The following HMBOX1 variants were observed in gnomAD, a reference collection of about 807,000 sequenced individuals.
HMBOX1 encodes the protein homeobox-containing protein 1.
Under a neutral mutation model 54.5 loss-of-function variants are expected in HMBOX1, and 14 were observed. The observed-to-expected ratio is 0.26, with a 90% confidence interval of 0.17 to 0.40. HMBOX1 has a LOEUF of 0.40. Among genes scored for constraint, HMBOX1 ranks in the 10% least tolerant of loss-of-function variants. The pLI is 1.00. For missense variants in HMBOX1, 332 were observed against 514.4 expected (o/e 0.65, Z 3.43); for synonymous variants, 160 against 181.0 (o/e 0.88, Z 0.93).
chr8:28,990,583 T>A (rs993456753), intron 4 of HMBOX1, among the ~76,000 whole-genome samples: 4 of 152,200 alleles, frequency 2.6e-5, no homozygotes, highest in Non-Finnish European at 4.4e-5. Flanking sequence ...TCTGTGTTCA[T>A]GAGGGACATT....
chr8:28,956,470 C>T (rs1375571142), intron 1 of HMBOX1, among the ~76,000 whole-genome samples: 1 of 151,852 alleles, frequency 6.6e-6, no homozygotes, highest in Non-Finnish European at 1.5e-5. Flanking sequence ...TGTCTTTATT[C>T]TGCCTGATAC....
intron 1 of HMBOX1, among the ~76,000 whole-genome samples, chr8:28,901,978 G>A (rs752783660): frequency 3.3e-5 from 5 of 152,046 alleles, no homozygotes; most frequent in Admixed American, 1.3e-4. Flanking sequence ...AGTGAACCTC[G>A]ACACACTTAG....
At chr8:28,917,351 G>T (rs1016162615) in intron 1 of HMBOX1, among the ~76,000 whole-genome samples, 1 of 152,010 alleles carries the variant, frequency 6.6e-6, no homozygotes, top group African/African-American at 2.4e-5. Flanking sequence ...TTATTGGATT[G>T]TTAGTTCATT....
At chr8:29,028,763 T>G (rs1802459004) in intron 6 of HMBOX1, among the ~76,000 whole-genome samples, 1 of 152,214 alleles carries the variant, frequency 6.6e-6, no homozygotes, top group Non-Finnish European at 1.5e-5. Context: ...TACTTTCATA[T>G]GTGTAAATAA....
At chr8:28,993,121 T>C (rs994658266) in intron 4 of HMBOX1, among the ~76,000 whole-genome samples, 8 of 151,964 alleles carry the variant, frequency 5.3e-5, no homozygotes, top group African/African-American at 1.4e-4. Context: ...AGAAAGAACA[T>C]AGTATACCAT....
chr8:29,002,688 C>G (rs1832830718), intron 4 of HMBOX1, among the ~76,000 whole-genome samples: 6 of 152,098 alleles, frequency 3.9e-5, no homozygotes, highest in Non-Finnish European at 7.4e-5. Context: ...TACAAAACTT[C>G]AGATATTTTG....
At chr8:29,032,532 A>G (rs1474064580) in intron 6 of HMBOX1, among the ~76,000 whole-genome samples, 1 of 152,132 alleles carries the variant, frequency 6.6e-6, no homozygotes, top group Admixed American at 6.5e-5. Context: ...TATAAAATTC[A>G]GTTTTTCTTT....
chr8:28,906,901 A>G (rs1039310598), intron 1 of HMBOX1, among the ~76,000 whole-genome samples: 1 of 152,188 alleles, frequency 6.6e-6, no homozygotes, highest in Non-Finnish European at 1.5e-5. Context: ...CTTGAAAAAA[A>G]TGGTTTTTAA....
intron 2 of HMBOX1, among the ~76,000 whole-genome samples, chr8:28,964,985 T>C (rs572115590): frequency 8.5e-5 from 13 of 152,384 alleles, no homozygotes; most frequent in African/African-American, 2.4e-4. Context: ...ATAAAATTAC[T>C]TATTATTTTT....
chr8:28,993,325 A>T (rs1791536625), intron 4 of HMBOX1, among the ~76,000 whole-genome samples: 1 of 152,146 alleles, frequency 6.6e-6, no homozygotes. Flanking sequence ...TATGAGTAGG[A>T]TTTTTTAAAG....
intron 1 of HMBOX1, among the ~76,000 whole-genome samples, chr8:28,932,342 A>T (rs549164472): frequency 6.6e-6 from 1 of 152,342 alleles, no homozygotes; most frequent in African/African-American, 2.4e-5. Context: ...GTATGACATT[A>T]TTTGAGTTAT....
Position 28,970,529 on chromosome 8 carries a change from T to G in HMBOX1, c.500+10T>G. On this transcript the variant is annotated intron_variant, in intron 3 of 9. Coordinates refer to ENST00000287701, the MANE Select transcript of HMBOX1 (RefSeq NM_001135726.3). This position sits in a 1 kb window ranked among gnomAD's most constrained non-coding sequence, Gnocchi z 4.3. ...TGGAAGAATTAATGAGGTTAGTGAC[T>G]TTGCTTATTCAGAGTCCCTAAAAAT... The G allele has an allele frequency of 6.5e-7, 1 of 1,535,096 alleles. No individual in the cohort carries two copies. Among genetic ancestry groups the G allele is most frequent in the Non-Finnish European group, 8.8e-7 (1 of 1,131,858 alleles).
intron 6 of HMBOX1, chr8:29,042,621 T>C (rs769667679): frequency 1.3e-5 from 6 of 455,734 alleles, no homozygotes; most frequent in South Asian, 6.2e-5. Flanking sequence ...ATTGGCCCTA[T>C]TTTATGACTT....
At chr8:28,951,646 A>G (rs1434238477) in intron 1 of HMBOX1, among the ~76,000 whole-genome samples, 1 of 152,244 alleles carries the variant, frequency 6.6e-6, no homozygotes, top group Non-Finnish European at 1.5e-5. Flanking sequence ...TGCTTCTTGA[A>G]TGAATGTGCA....
chr8:28,971,224 C>A (rs1327041601), intron 3 of HMBOX1, among the ~76,000 whole-genome samples: 2 of 151,390 alleles, frequency 1.3e-5, no homozygotes, highest in Non-Finnish European at 2.9e-5. Flanking sequence ...TCCCGAGTAG[C>A]TGGGGTTACA....
At chr8:28,983,460 C>G (rs1264343938) in intron 4 of HMBOX1, among the ~76,000 whole-genome samples, 2 of 152,182 alleles carry the variant, frequency 1.3e-5, no homozygotes, top group African/African-American at 4.8e-5. Flanking sequence ...TCTGTTGTTA[C>G]CCTCATTTTA....
At chr8:28,962,680 T>A (rs1373637995) in intron 1 of HMBOX1, among the ~76,000 whole-genome samples, 3 of 152,210 alleles carry the variant, frequency 2.0e-5, no homozygotes, top group South Asian at 4.1e-4. Context: ...TACACCTTGA[T>A]GTTGTGGAAG....
intron 3 of HMBOX1, 61 bp from the exon 4 acceptor site, chr8:28,980,010 G>T: frequency 7.9e-7 from 1 of 1,258,240 alleles, no homozygotes; most frequent in Non-Finnish European, 1.2e-6. Flanking sequence ...CTTTCTTTTA[G>T]CAAAGATGAG....
At chr8:29,041,076 A>C (rs1804737035) in intron 6 of HMBOX1, among the ~76,000 whole-genome samples, 1 of 152,218 alleles carries the variant, frequency 6.6e-6, no homozygotes, top group South Asian at 2.1e-4. Flanking sequence ...TAAATATTGT[A>C]CTGTCTCCCC....
Sources: allele counts gnomAD v4.1 joint callset (sites outside exome capture counted in the v4.1 genomes callset), GRCh38; gene constraint gnomAD v4.1.1; non-coding constraint Gnocchi (gnomAD v3.1); transcripts MANE v1.5; gene names NCBI Gene and HGNC (gene_info 2026-07-23, HGNC 2026-07-21).